GRIA4: variants seen among roughly 807,000 people sequenced by gnomAD.
GRIA4 encodes the protein glutamate ionotropic receptor AMPA type subunit 4.
In GRIA4, 34 loss-of-function variants were observed where a neutral mutation model predicts 104.0. The observed-to-expected ratio is 0.33, with a 90% CI of 0.25 to 0.44. The LOEUF is 0.44. GRIA4 is among the 20% of genes least tolerant of loss of function. The pLI is 1.00. For missense variants in GRIA4, 750 were observed against 1,096.5 expected, an observed-to-expected ratio of 0.68 and a Z score of 4.46; for synonymous variants, 386 against 381.9, an observed-to-expected ratio of 1.01 and a Z score of -0.13.
intron 3 of GRIA4, among the ~76,000 whole-genome samples, chr11:105,749,098 C>A (rs1939845765): frequency 6.6e-6 from 1 of 152,110 alleles, no homozygotes; most frequent in South Asian, 2.1e-4. Flanking sequence ...CAAGAGAGAG[C>A]ATAGTTGTGG....
chr11:105,949,128 C>A (rs1948401767), intron 14 of GRIA4, among the ~76,000 whole-genome samples: 1 of 152,112 alleles, frequency 6.6e-6, no homozygotes, highest in African/African-American at 2.4e-5. Flanking sequence ...ACTGAAATAT[C>A]TTCTAAGATT....
intron 15 of GRIA4, 128 bp from the exon 16 acceptor site, chr11:105,974,182 T>G (rs1371293810): frequency 2.2e-6 from 2 of 891,766 alleles, no homozygotes; most frequent in Non-Finnish European, 3.5e-6. Context: ...CATCAGTGAC[T>G]TATACTTGTA....
At chr11:105,769,378 T>A (rs1938956) in intron 4 of GRIA4, among the ~76,000 whole-genome samples, 1 of 151,744 alleles carries the variant, frequency 6.6e-6, no homozygotes, top group Non-Finnish European at 1.5e-5. Context: ...AAGACTAAGA[T>A]TTCCAGATGA....
intron 4 of GRIA4, among the ~76,000 whole-genome samples, chr11:105,803,313 G>A (rs939800650): frequency 6.6e-6 from 1 of 151,910 alleles, no homozygotes; most frequent in African/African-American, 2.4e-5. Flanking sequence ...GAAGAAGACT[G>A]CAGCTCTGAG....
In GRIA4 at chr11:105,702,690, C is replaced by CTTTTTTTTTTTTTTTTTT. The variant is rs150923757; in HGVS notation, c.248-50288_248-50287insTTTTTTTTTTTTTTTTTT. On this transcript the variant is annotated intron_variant, in intron 3 of 16. Transcript: ENST00000282499. ...TTATAAGATATGCAAAATTATTTTC[C>CTTTTTTTTTTTTTTTTTT]TTTCTTTTTTTTTTTTTTTTTTTTG... Among the ~76,000 whole-genome samples the CTTTTTTTTTTTTTTTTTT allele has an allele frequency of 1.1e-4, 11 of 96,074 alleles. 5 individuals are homozygous for CTTTTTTTTTTTTTTTTTT. The highest frequency in any genetic ancestry group is 3.8e-5 in the Non-Finnish European group (2 of 52,524). The allele number at this position is 96,074 out of a possible 152,430, so 63.0% of individuals were successfully genotyped here. A position where few individuals can be genotyped will look rare whatever the true frequency, so the allele number is the denominator to read the frequency against.
At chr11:105,967,605 G>A (rs554950196) in intron 14 of GRIA4, among the ~76,000 whole-genome samples, 2 of 151,604 alleles carry the variant, frequency 1.3e-5, no homozygotes, top group African/African-American at 4.8e-5. Flanking sequence ...ATTTTAACAA[G>A]TAGGTTTCCA....
At chr11:105,826,029 T>G (rs773383775) in intron 4 of GRIA4, among the ~76,000 whole-genome samples, 14 of 152,110 alleles carry the variant, frequency 9.2e-5, no homozygotes, top group Non-Finnish European at 1.2e-4. Context: ...GTGGGCCCCG[T>G]ATCCAACAAA....
chr11:105,820,848 A>G (rs1398109157), intron 4 of GRIA4, among the ~76,000 whole-genome samples: 1 of 152,140 alleles, frequency 6.6e-6, no homozygotes, highest in Non-Finnish European at 1.5e-5. Context: ...ACAATCTGAA[A>G]TGTAGCTTTT....
intron 14 of GRIA4, chr11:105,966,152 C>T: frequency 1.2e-6 from 1 of 847,880 alleles, no homozygotes; most frequent in Admixed American, 2.2e-5. Flanking sequence ...CTCCTAATAC[C>T]AGTCGAATTG....
chr11:105,801,220 A>C (rs1942706840), intron 4 of GRIA4, among the ~76,000 whole-genome samples: 1 of 151,578 alleles, frequency 6.6e-6, no homozygotes, highest in Non-Finnish European at 1.5e-5. Flanking sequence ...ACCTGTTGAA[A>C]TATTTAAATA....
chr11:105,643,105 A>C (rs551945871), intron 3 of GRIA4, among the ~76,000 whole-genome samples: 1 of 152,306 alleles, frequency 6.6e-6, no homozygotes, highest in South Asian at 2.1e-4. Context: ...CCATGATTCA[A>C]CTACCAACTA....
chr11:105,647,139 T>C (rs1951552660), intron 3 of GRIA4, among the ~76,000 whole-genome samples: 1 of 152,074 alleles, frequency 6.6e-6, no homozygotes, highest in South Asian at 2.1e-4. Flanking sequence ...GCAAATGACA[T>C]GAACAGACAC....
chr11:105,918,915 T>C lies in GRIA4; in HGVS notation c.1473T>C (p.Tyr491=), dbSNP rs1274042039. ...IWNGMVGELV[Y]GKAEIAIAPL... is the part of the protein sequence containing the mutation. ...ATGGGATGGTAGGAGAACTTGTTTA[T>C]GGGGTAAGCAAATCAACTTATTGAA... Residue 491 remains tyrosine, a synonymous_variant, in exon 11 of 17, where the codon TAT becomes TAC. Coordinates refer to ENST00000282499, the MANE Select transcript of GRIA4 (RefSeq NM_000829.4). The C allele has an allele frequency of 2.5e-6, 4 of 1,576,812 alleles. No homozygotes were observed. Among genetic ancestry groups the C allele is most frequent in the East Asian group, 2.2e-5 (1 of 44,526 alleles).
At chr11:105,840,987 C>T (rs1220366983) in intron 4 of GRIA4, among the ~76,000 whole-genome samples, 2 of 152,162 alleles carry the variant, frequency 1.3e-5, no homozygotes, top group Non-Finnish European at 2.9e-5. Flanking sequence ...AACAAACAAA[C>T]ATATTAGCCT....
chr11:105,814,902 A>G (rs1943316642), intron 4 of GRIA4, among the ~76,000 whole-genome samples: 1 of 152,214 alleles, frequency 6.6e-6, no homozygotes, highest in Admixed American at 6.5e-5. Flanking sequence ...AGGTGAATAT[A>G]TGGCCCAGAG....
chr11:105,771,481 A>C (rs1433724026), intron 4 of GRIA4, among the ~76,000 whole-genome samples: 2 of 152,004 alleles, frequency 1.3e-5, no homozygotes, highest in Non-Finnish European at 2.9e-5. Context: ...ACCGTTCCCA[A>C]ATCCCTGTCT....
chr11:105,651,244 A>C (rs1452435292), intron 3 of GRIA4, among the ~76,000 whole-genome samples: 2 of 152,148 alleles, frequency 1.3e-5, no homozygotes, highest in Non-Finnish European at 1.5e-5. Context: ...TTCAAGTAAT[A>C]TTTTCCTTAA....
chr11:105,625,339 T>C (rs996557277), intron 3 of GRIA4, among the ~76,000 whole-genome samples: 4 of 152,124 alleles, frequency 2.6e-5, no homozygotes, highest in Admixed American at 6.6e-5. Context: ...TGTTTCTTGA[T>C]TGGATATCTA....
At chr11:105,845,480 T>C (rs1015547697) in intron 4 of GRIA4, among the ~76,000 whole-genome samples, 1 of 152,108 alleles carries the variant, frequency 6.6e-6, no homozygotes, top group Non-Finnish European at 1.5e-5. Context: ...TGTTACATGG[T>C]AAGAAGAGCA....
Sources: allele counts gnomAD v4.1 joint callset (sites outside exome capture counted in the v4.1 genomes callset), GRCh38; gene constraint gnomAD v4.1.1; transcripts MANE v1.5; gene names NCBI Gene and HGNC (gene_info 2026-07-23, HGNC 2026-07-21).